The following KCNJ10 variants were observed in gnomAD, a reference collection of about 807,000 sequenced individuals.
KCNJ10 encodes potassium inwardly rectifying channel subfamily J member 10, also known as ATP-sensitive inward rectifier potassium channel 10.
In KCNJ10, 9 loss-of-function variants were observed where a neutral mutation model predicts 22.2. That is an observed-to-expected ratio of 0.40 (90% CI 0.24 to 0.71). KCNJ10 has a LOEUF of 0.71. Ranked by LOEUF, KCNJ10 falls within the 30% of genes least tolerant of loss-of-function variation. The pLI is 0.35. For synonymous variants in KCNJ10, 184 were observed against 187.3 expected (o/e 0.98, Z 0.15); for missense variants, 337 against 482.7 (o/e 0.70, Z 2.83).
At chr1:160,044,256 C>T (rs1252747353) in intron 1 of KCNJ10, among the ~76,000 whole-genome samples, 2 of 152,194 alleles carry the variant, frequency 1.3e-5, no homozygotes, top group Admixed American at 1.3e-4. Context: ...GGATGTCATT[C>T]ACTCCCCTAT....
chr1:160,047,434 T>C (rs1648768805), intron 1 of KCNJ10, among the ~76,000 whole-genome samples: 4 of 152,184 alleles, frequency 2.6e-5, no homozygotes, highest in Admixed American at 2.0e-4. Context: ...CAGCACACCA[T>C]TCATGATTTG....
chr1:160,043,077 G>C (rs927791915), intron 1 of KCNJ10, among the ~76,000 whole-genome samples: 1 of 152,164 alleles, frequency 6.6e-6, no homozygotes, highest in Admixed American at 6.5e-5. Flanking sequence ...ATTCTTAGCG[G>C]AAGAGAGGCA....
intron 1 of KCNJ10, among the ~76,000 whole-genome samples, chr1:160,047,926 A>G (rs768085875): frequency 1.3e-5 from 2 of 152,218 alleles, no homozygotes; most frequent in Non-Finnish European, 2.9e-5. Flanking sequence ...CTTTTAGTAG[A>G]GACGGGGTTT....
rs757920393 is a variant in KCNJ10 at position 160,041,676 on chromosome 1, G to T, written c.857C>A (p.Thr286Lys). The T allele has an allele frequency of 3.7e-6, 6 of 1,614,090 alleles. No individual in the cohort carries two copies. The highest frequency in any genetic ancestry group is 5.1e-6 in the Non-Finnish European group (6 of 1,180,048). The change falls in exon 2 of 2, where the codon ACA becomes AAA. Residue 286 changes from threonine to lysine, a missense_variant. Transcript: ENST00000644903. The surrounding 1 kb of genome is among the most constrained non-coding windows in gnomAD (Gnocchi z 4.4). The stretch of plus-strand genomic sequence containing the variant: ...ACAGGTGGCACTGGTGGACTCCACT[G>T]TCCCACTTAGGATCAGCACCAGCTC... ...DFELVLILSG[T>K]VESTSATCQV...
chr1:160,063,763 A>G (rs1042597901), intron 1 of KCNJ10, among the ~76,000 whole-genome samples: 2 of 152,156 alleles, frequency 1.3e-5, no homozygotes. Context: ...CTCTGGGCCG[A>G]GCTCCTATGT....
In KCNJ10 at chr1:160,041,891, T is replaced by G; in HGVS notation, c.642A>C (p.Thr214=). Residue 214 remains threonine (T), a synonymous_variant, in exon 2 of 2, where the codon ACA becomes ACC. Coordinates refer to ENST00000644903, the MANE Select transcript of KCNJ10 (RefSeq NM_002241.5). The surrounding 1 kb of genome is among the most constrained non-coding windows in gnomAD (Gnocchi z 4.4). Reference sequence around the variant, plus strand: ...TTTGGTGGGTCTGAAGCAGTTTTCCTGTCACCTGGCAGCCAATGAGGAGGC... The same window carrying G: ...TTTGGTGGGTCTGAAGCAGTTTTCCGGTCACCTGGCAGCCAATGAGGAGGC... ...RKSLLIGCQV[T]GKLLQTHQTK... The G allele has an allele frequency of 6.2e-7, 1 of 1,614,192 alleles. No individual in the cohort carries two copies. Among genetic ancestry groups the G allele is most frequent in the Non-Finnish European group, 8.5e-7 (1 of 1,180,010 alleles).
At chr1:160,050,338 G>A (rs1464310717) in intron 1 of KCNJ10, among the ~76,000 whole-genome samples, 1 of 147,608 alleles carries the variant, frequency 6.8e-6, no homozygotes, top group African/African-American at 2.5e-5. Context: ...CCACTATGTT[G>A]CCCAGGCTTG....
intron 1 of KCNJ10, among the ~76,000 whole-genome samples, chr1:160,045,686 A>C (rs1311371252): frequency 6.6e-6 from 1 of 152,250 alleles, no homozygotes; most frequent in African/African-American, 2.4e-5. Flanking sequence ...CCACACCTGC[A>C]GTATCCAGCA....
chr1:160,056,764 C>A (rs945349259), intron 1 of KCNJ10, among the ~76,000 whole-genome samples: 7 of 152,156 alleles, frequency 4.6e-5, no homozygotes, highest in African/African-American at 1.4e-4. Context: ...ATTAGAATCT[C>A]TGGGTGATTC....
chr1:160,040,414 G>A lies in KCNJ10; in HGVS notation c.*979C>T. 1 of 397,532 alleles carries A rather than the reference G, an allele frequency of 2.5e-6. No individual in the cohort carries two copies. The highest frequency in any genetic ancestry group is 3.6e-5 in the East Asian group (1 of 28,050). The allele number at this position is 397,532 out of a possible 1,614,324, so 24.6% of individuals were successfully genotyped here. A position where few individuals can be genotyped will look rare whatever the true frequency, so the allele number is the denominator to read the frequency against. On this transcript the variant is annotated 3_prime_UTR_variant, in exon 2 of 2. Coordinates refer to ENST00000644903, the MANE Select transcript of KCNJ10 (RefSeq NM_002241.5). ...CATTTTCCCTCCCTTCTCCCAAAGAGTTGGGGTTAAGGAAGAAGGATCTAG... is the reference window on the plus strand; with the variant it reads ...CATTTTCCCTCCCTTCTCCCAAAGAATTGGGGTTAAGGAAGAAGGATCTAG...
In KCNJ10 at chr1:160,041,707, C is replaced by T; in HGVS notation, c.826G>A (p.Asp276Asn). 6.2e-7 allele frequency: 1 copy of T among 1,614,180 alleles called. No individual in the cohort carries two copies. Among genetic ancestry groups the T allele is most frequent in the East Asian group, 2.2e-5 (1 of 44,870 alleles). ...CTTAGGATCAGCACCAGCTCAAAGT[C>T]ACCCTCACCACTGCGAAGAGGGAGA... is the stretch of plus-strand genomic sequence containing the variant. ...KDLPLRSGEG[D>N]FELVLILSGT... The change falls in exon 2 of 2, where the codon GAC becomes AAC. Residue 276 changes from aspartate (D) to asparagine (N), a missense_variant. Physicochemically the swap from Asp to Asn is conservative, Grantham distance 23 (BLOSUM62 1). Coordinates refer to ENST00000644903, the MANE Select transcript of KCNJ10 (RefSeq NM_002241.5). The surrounding 1 kb of genome is among the most constrained non-coding windows in gnomAD (Gnocchi z 4.4).
intron 1 of KCNJ10, among the ~76,000 whole-genome samples, chr1:160,043,318 C>T (rs1241787671): frequency 1.3e-5 from 2 of 149,554 alleles, no homozygotes; most frequent in Non-Finnish European, 1.5e-5. Flanking sequence ...CACACACAAC[C>T]TTAATTTCTT....
rs1571267044 is a variant in KCNJ10, at chr1:160,044,859, T to TA, written c.1-2328dup. 3.9e-5 allele frequency: 6 copies of TA among 151,900 alleles called. No individual in the cohort carries two copies. In the East Asian group the frequency reaches 1.2e-3, roughly 29 times the overall value. 9.4% of individuals were successfully genotyped at this position (151,900 alleles called of 1,614,324 possible). On this transcript the variant is annotated intron_variant, in intron 1 of 1. Transcript: ENST00000644903. ...AAGACACCATATCAGCAAAAATTTT[T>TA]AAAAATTAGCTGGATATGGTAGCAC... is the stretch of plus-strand genomic sequence containing the variant.
chr1:160,055,817 C>T (rs566544980), intron 1 of KCNJ10, among the ~76,000 whole-genome samples: 1 of 152,148 alleles, frequency 6.6e-6, no homozygotes, highest in Non-Finnish European at 1.5e-5. Context: ...GGAATCCATC[C>T]ACTCTTGACT....
intron 1 of KCNJ10, among the ~76,000 whole-genome samples, chr1:160,053,400 GA>G (rs1274823016): frequency 6.6e-6 from 1 of 152,188 alleles, no homozygotes; most frequent in Non-Finnish European, 1.5e-5. Flanking sequence ...AAATGAAGGA[GA>G]GGGGTAAGAG....
intron 1 of KCNJ10, among the ~76,000 whole-genome samples, chr1:160,063,790 C>T (rs576999652): frequency 3.9e-5 from 6 of 152,354 alleles, no homozygotes; most frequent in African/African-American, 1.4e-4. Flanking sequence ...TTGGATGGAT[C>T]TCCTCTGCAG....
At chr1:160,059,059 G>A (rs184813145) in intron 1 of KCNJ10, among the ~76,000 whole-genome samples, 26 of 152,248 alleles carry the variant, frequency 1.7e-4, no homozygotes, top group African/African-American at 4.8e-4. Context: ...GCTCCATGCC[G>A]TGCTTCATCC....
chr1:160,041,064 A>G lies in KCNJ10; in HGVS notation c.*329T>C, dbSNP rs1374993964. 5 of 395,004 alleles carry G rather than the reference A, an allele frequency of 1.3e-5. No individual in the cohort carries two copies. The highest frequency in any genetic ancestry group is 4.7e-6 in the Non-Finnish European group (1 of 212,288). The allele number at this position is 395,004 out of a possible 1,614,324, so 24.5% of individuals were successfully genotyped here. On this transcript the variant is annotated 3_prime_UTR_variant, in exon 2 of 2. Coordinates refer to ENST00000644903, the MANE Select transcript of KCNJ10 (RefSeq NM_002241.5). This position sits in a 1 kb window ranked among gnomAD's most constrained non-coding sequence, Gnocchi z 4.4. ...GGTGGTGGGAGGTAGGGGGCAGTCT[A>G]TCCTTCCAACCACATGGTCCTCCTA...
chr1:160,045,403 G>A (rs953531298), intron 1 of KCNJ10, among the ~76,000 whole-genome samples: 1 of 152,158 alleles, frequency 6.6e-6, no homozygotes, highest in Admixed American at 6.5e-5. Context: ...GGATCCAAAA[G>A]GAGTCAAATA....
Sources: allele counts gnomAD v4.1 joint callset (sites outside exome capture counted in the v4.1 genomes callset), GRCh38; gene constraint gnomAD v4.1.1; non-coding constraint Gnocchi (gnomAD v3.1); transcripts MANE v1.5; gene names NCBI Gene and HGNC (gene_info 2026-07-23, HGNC 2026-07-21).